SPIDR: variants seen among roughly 807,000 people sequenced by gnomAD.
SPIDR encodes the protein DNA repair-scaffolding protein.
A neutral mutation model predicts 104.6 loss-of-function variants in SPIDR; 93 were observed. The ratio of observed to expected loss-of-function variants is 0.89; its 90% CI spans 0.75 to 1.06. The LOEUF (loss-of-function observed/expected upper bound fraction) is 1.06, where lower values mean the gene tolerates loss of function less well. Among genes scored for constraint, SPIDR ranks in the 50% least tolerant of loss-of-function variants. The pLI, the probability that SPIDR is intolerant of heterozygous loss-of-function variation, is 0.00. For missense variants in SPIDR, 1,154 were observed against 1,111.2 expected (o/e 1.04, Z -0.55); for synonymous variants, 431 against 416.9 (o/e 1.03, Z -0.41).
chr8:47,673,268 G>A (rs762016446), intron 10 of SPIDR, among the ~76,000 whole-genome samples: 3 of 152,218 alleles, frequency 2.0e-5, no homozygotes, highest in Non-Finnish European at 2.9e-5. Flanking sequence ...GCTGCAAGCT[G>A]GGACACCAGG....
intron 16 of SPIDR, among the ~76,000 whole-genome samples, chr8:47,718,262 C>T (rs567218131): frequency 6.6e-6 from 1 of 152,348 alleles, no homozygotes; most frequent in African/African-American, 2.4e-5. Context: ...CACATTTGTC[C>T]TTTGCTCATC....
chr8:47,597,279 A>C (rs1026795977), intron 9 of SPIDR, among the ~76,000 whole-genome samples: 1 of 152,006 alleles, frequency 6.6e-6, no homozygotes, highest in Non-Finnish European at 1.5e-5. Flanking sequence ...GGTTTGTTAC[A>C]TATGTATACA....
intron 10 of SPIDR, among the ~76,000 whole-genome samples, chr8:47,621,523 C>T (rs2065171384): frequency 6.6e-6 from 1 of 152,280 alleles, no homozygotes; most frequent in South Asian, 2.1e-4. Context: ...CTCTTGATGA[C>T]CTGAGCGTCT....
At chr8:47,558,874 G>A (rs1010086706) in intron 8 of SPIDR, among the ~76,000 whole-genome samples, 12 of 152,208 alleles carry the variant, frequency 7.9e-5, no homozygotes, top group Non-Finnish European at 1.3e-4. Context: ...ATCTGACCTC[G>A]TGATCCACCC....
intron 7 of SPIDR, among the ~76,000 whole-genome samples, chr8:47,437,099 CT>C (rs1265863758): frequency 3.6e-4 from 54 of 149,456 alleles, no homozygotes; most frequent in Middle Eastern, 3.5e-3. Context: ...TCATAGAAAT[CT>C]TTTTTTTTTA....
intron 8 of SPIDR, among the ~76,000 whole-genome samples, chr8:47,459,436 T>C (rs1388564120): frequency 2.0e-5 from 3 of 152,182 alleles, no homozygotes; most frequent in African/African-American, 7.2e-5. Flanking sequence ...GTGTTTATAG[T>C]AGCCTTAGAT....
intron 7 of SPIDR, among the ~76,000 whole-genome samples, chr8:47,436,154 G>A (rs1035185773): frequency 6.6e-6 from 1 of 152,292 alleles, no homozygotes; most frequent in Admixed American, 6.5e-5. Flanking sequence ...ACCTGTGATT[G>A]TAGTGCTCTT....
At chr8:47,381,747 G>A (rs2059353913) in intron 5 of SPIDR, among the ~76,000 whole-genome samples, 1 of 152,244 alleles carries the variant, frequency 6.6e-6, no homozygotes, top group Non-Finnish European at 1.5e-5. Flanking sequence ...CCTGCCCCAC[G>A]TGGCACCAGG....
chr8:47,272,487 G>A (rs1330525846), intron 1 of SPIDR, among the ~76,000 whole-genome samples: 2 of 152,162 alleles, frequency 1.3e-5, no homozygotes, highest in African/African-American at 4.8e-5. Context: ...AGTTGTCTGT[G>A]GATTATTGGA....
chr8:47,517,325 AT>A (rs1239264052), intron 8 of SPIDR, among the ~76,000 whole-genome samples: 1 of 152,186 alleles, frequency 6.6e-6, no homozygotes, highest in Non-Finnish European at 1.5e-5. Context: ...ACTTAAAAAA[AT>A]AATTATTACT....
chr8:47,404,259 C>T (rs1554665777), intron 6 of SPIDR, among the ~76,000 whole-genome samples: 1 of 152,142 alleles, frequency 6.6e-6, no homozygotes, highest in Non-Finnish European at 1.5e-5. Context: ...AGAAGAAAAC[C>T]TAGGCAATAC....
chr8:47,651,252 AG>A (rs748044938), intron 10 of SPIDR, among the ~76,000 whole-genome samples: 31 of 152,314 alleles, frequency 2.0e-4, no homozygotes, highest in Non-Finnish European at 4.0e-4. Context: ...CAAGGAAAAA[AG>A]AGAAAGACAA....
intron 8 of SPIDR, among the ~76,000 whole-genome samples, chr8:47,537,544 G>A (rs1256597826): frequency 6.6e-6 from 1 of 152,194 alleles, no homozygotes; most frequent in African/African-American, 2.4e-5. Flanking sequence ...GATCCATGGG[G>A]TTTAGAGGGA....
chr8:47,504,445 C>T (rs966876384), intron 8 of SPIDR, among the ~76,000 whole-genome samples: 4 of 152,136 alleles, frequency 2.6e-5, no homozygotes, highest in Non-Finnish European at 4.4e-5. Context: ...GAGGCTTGTG[C>T]ATTTGTCACA....
At chr8:47,475,616 CT>C (rs1238654044) in intron 8 of SPIDR, among the ~76,000 whole-genome samples, 12 of 152,232 alleles carry the variant, frequency 7.9e-5, no homozygotes, top group Non-Finnish European at 1.5e-4. Context: ...GAATGTAACT[CT>C]TTTCTGTGAA....
At chr8:47,658,740 G>T (rs977173988) in intron 10 of SPIDR, among the ~76,000 whole-genome samples, 1 of 151,960 alleles carries the variant, frequency 6.6e-6, no homozygotes, top group South Asian at 2.1e-4. Context: ...TTCGAGACCA[G>T]CCTGGCCAAC....
chr8:47,570,817 G>C lies in SPIDR; in HGVS notation c.1098-24994G>C, dbSNP rs1356552559. Among the ~76,000 whole-genome samples, 3 of 152,194 alleles carry C rather than the reference G, an allele frequency of 2.0e-5. No homozygotes were observed. In the East Asian group the frequency reaches 5.8e-4, roughly 29 times the overall value. Reference sequence around the variant, plus strand: ...GATTAAGATGAAAGGTTTTAGCCGGGTGTGGTGGCTCACGCCTATAATCCC... The same window carrying C: ...GATTAAGATGAAAGGTTTTAGCCGGCTGTGGTGGCTCACGCCTATAATCCC... On this transcript the variant is annotated intron_variant, in intron 8 of 19. Coordinates refer to ENST00000297423, the MANE Select transcript of SPIDR (RefSeq NM_001080394.4).
At chr8:47,447,192 A>G (rs927666465) in intron 8 of SPIDR, among the ~76,000 whole-genome samples, 1 of 152,168 alleles carries the variant, frequency 6.6e-6, no homozygotes, top group Non-Finnish European at 1.5e-5. Flanking sequence ...ATGAATGAGC[A>G]AAGAAACTGT....
chr8:47,470,574 C>T (rs782818686), intron 8 of SPIDR, among the ~76,000 whole-genome samples: 52 of 152,018 alleles, frequency 3.4e-4, no homozygotes, highest in Non-Finnish European at 5.6e-4. Context: ...GCTACCACGC[C>T]TGACCATGAA....
Sources: allele counts gnomAD v4.1 joint callset (sites outside exome capture counted in the v4.1 genomes callset), GRCh38; gene constraint gnomAD v4.1.1; transcripts MANE v1.5; gene names NCBI Gene and HGNC (gene_info 2026-07-23, HGNC 2026-07-21).